Variants in MICAL2 observed in about 807,000 individuals in gnomAD.
The protein encoded by MICAL2 is microtubule associated monooxygenase, calponin and LIM domain containing 2, also known as [F-actin]-monooxygenase MICAL2.
Under a neutral mutation model 127.3 loss-of-function variants are expected in MICAL2, and 77 were observed. That is an observed-to-expected ratio of 0.60 (90% CI 0.50 to 0.73). The LOEUF (loss-of-function observed/expected upper bound fraction) is 0.73. Among genes scored for constraint, MICAL2 ranks in the 30% least tolerant of loss-of-function variants. MICAL2 has a pLI of 0.00. For missense variants in MICAL2, 1,351 were observed against 1,434.4 expected (o/e 0.94, Z 0.94); for synonymous variants, 570 against 551.1 (o/e 1.03, Z -0.48).
At chr11:12,335,070 C>A (rs1938724126) in intron 32 of MICAL2, among the ~76,000 whole-genome samples, 2 of 151,552 alleles carry the variant, frequency 1.3e-5, no homozygotes, top group Admixed American at 6.6e-5. Context: ...GTCCCACCAA[C>A]AGTGTAAAAG....
chr11:12,304,878 C>T (rs1864090978), intron 29 of MICAL2, among the ~76,000 whole-genome samples: 1 of 151,954 alleles, frequency 6.6e-6, no homozygotes, highest in African/African-American at 2.4e-5. Context: ...TCACTTTGTT[C>T]TTCTTCAACA....
chr11:12,274,047 G>T (rs973636115), upstream of MICAL2, among the ~76,000 whole-genome samples: 5 of 152,100 alleles, frequency 3.3e-5, no homozygotes, highest in Non-Finnish European at 7.4e-5. Flanking sequence ...TGAGGACTGG[G>T]ATTAAAACAA....
At chr11:12,168,168 A>ACACACACACT (rs1368324333) in intron 3 of MICAL2, among the ~76,000 whole-genome samples, 4 of 150,532 alleles carry the variant, frequency 2.7e-5, no homozygotes, top group Admixed American at 6.7e-5. Context: ...ACACACACAC[A>ACACACACACT]CTTATGCACA....
At chr11:12,137,129 T>C (rs1412022607) in intron 1 of MICAL2, among the ~76,000 whole-genome samples, 2 of 152,224 alleles carry the variant, frequency 1.3e-5, no homozygotes, top group Admixed American at 6.5e-5. Context: ...CACAGGCTGA[T>C]AGAATGTGGC....
At chr11:12,324,161 T>A (rs912497680) in intron 31 of MICAL2, 48 of 1,444,492 alleles carry the variant, frequency 3.3e-5, no homozygotes, top group Non-Finnish European at 4.3e-5. Context: ...CTGCATTGTA[T>A]TAGGGAAAGC....
intron 3 of MICAL2, among the ~76,000 whole-genome samples, chr11:12,180,349 A>ATTTTT (rs72520147): frequency 4.3e-5 from 6 of 139,682 alleles, no homozygotes; most frequent in South Asian, 2.3e-4. Context: ...ATATGTATAT[A>ATTTTT]TTTTTTTTTT....
At chr11:12,213,209 A>G in intron 6 of MICAL2, 46 bp from the exon 7 acceptor site, 1 of 1,557,144 alleles carries the variant, frequency 6.4e-7, no homozygotes, top group East Asian at 2.3e-5. Context: ...CAGTTTTCAC[A>G]CCAAATCCAG....
chr11:12,243,749 G>T (rs535265522), intron 20 of MICAL2, among the ~76,000 whole-genome samples: 3 of 152,360 alleles, frequency 2.0e-5, no homozygotes, highest in Middle Eastern at 3.4e-3. Context: ...GATTGAATCT[G>T]CATGAGCTAT....
downstream of MICAL2, chr11:12,294,414 C>T (rs1474147325): frequency 1.2e-6 from 2 of 1,614,220 alleles, no homozygotes; most frequent in Non-Finnish European, 1.7e-6. Context: ...CAGCATTCCC[C>T]TGGGAGAAAC....
rs1052196869 is a variant in MICAL2, at chr11:12,249,379, G to A, written c.2847+133G>A. On this transcript the variant is annotated intron_variant, in intron 22 of 27. Coordinates refer to ENST00000683283, the MANE Select transcript of MICAL2 (RefSeq NM_001282663.2). ...GTGCCTGGCACCAGGGGACGAAGGT[G>A]GGCAGACATGTGCTTGTACTGGGAG... 9.6e-6 allele frequency: 6 copies of A among 622,054 alleles called. No homozygotes were observed. In the East Asian group the frequency reaches 1.7e-4, roughly 17 times the overall value. 38.5% of individuals were successfully genotyped at this position (622,054 alleles called of 1,614,324 possible).
upstream of MICAL2, chr11:12,274,784 C>T (rs1482009162): frequency 2.0e-5 from 3 of 152,134 alleles, no homozygotes; most frequent in Non-Finnish European, 2.9e-5. Flanking sequence ...TTGCAGGCCT[C>T]GGTAGGGCCT....
At chr11:12,137,413 G>C (rs1274838374) in intron 1 of MICAL2, among the ~76,000 whole-genome samples, 1 of 152,222 alleles carries the variant, frequency 6.6e-6, no homozygotes, top group Admixed American at 6.5e-5. Context: ...AGTGCCATCT[G>C]TTCTGTAAGC....
chr11:12,307,298 T>C (rs1864123132), intron 29 of MICAL2, among the ~76,000 whole-genome samples: 1 of 152,224 alleles, frequency 6.6e-6, no homozygotes, highest in Non-Finnish European at 1.5e-5. Context: ...TGTTTCTTAG[T>C]TTTGAGTTTT....
intron 2 of MICAL2, among the ~76,000 whole-genome samples, chr11:12,144,714 C>T (rs944069711): frequency 1.4e-4 from 21 of 152,316 alleles, no homozygotes; most frequent in African/African-American, 5.1e-4. Context: ...AGGTGAAATA[C>T]AACCTGTCAG....
intron 12 of MICAL2, among the ~76,000 whole-genome samples, chr11:12,223,851 C>T (rs916571548): frequency 6.6e-6 from 1 of 152,308 alleles, no homozygotes; most frequent in Non-Finnish European, 1.5e-5. Flanking sequence ...GCTTAATGCA[C>T]TTCACCCTTT....
At chr11:12,358,773 CA>C (rs1228069326), downstream of MICAL2, 1 of 210,654 alleles carries the variant, frequency 4.7e-6, no homozygotes, top group East Asian at 9.7e-5. Context: ...TAGAAAGTGA[CA>C]CAAAGACTTG....
intron 31 of MICAL2, among the ~76,000 whole-genome samples, chr11:12,325,547 C>T (rs1337167898): frequency 6.6e-6 from 1 of 152,208 alleles, no homozygotes; most frequent in African/African-American, 2.4e-5. Context: ...GATCAAGGTG[C>T]TGGCAGGTTT....
At chr11:12,295,578 G>A (rs1248987121), downstream of MICAL2, among the ~76,000 whole-genome samples, 1 of 146,178 alleles carries the variant, frequency 6.8e-6, no homozygotes, top group Non-Finnish European at 1.5e-5. Flanking sequence ...TTTATTTTTT[G>A]TGGAGATGGA....
chr11:12,169,192 G>A (rs1855936255), intron 3 of MICAL2, among the ~76,000 whole-genome samples: 1 of 148,816 alleles, frequency 6.7e-6, no homozygotes, highest in Non-Finnish European at 1.5e-5. Context: ...TGCATGCACT[G>A]CCCCCTTTAT....
Sources: gnomAD v4.1 joint callset for allele counts (sites outside exome capture counted in the v4.1 genomes callset) on GRCh38, gnomAD v4.1.1 for gene constraint, MANE v1.5 for transcripts, NCBI Gene and HGNC (gene_info 2026-07-23, HGNC 2026-07-21) for gene names.